ERCC6L2: variants seen among roughly 807,000 people sequenced by gnomAD.
ERCC6L2 encodes ERCC excision repair 6 like 2.
In ERCC6L2, 77 loss-of-function variants were observed where a neutral mutation model predicts 132.0. The ratio of observed to expected loss-of-function variants is 0.58; its 90% CI spans 0.49 to 0.71. ERCC6L2 has a LOEUF of 0.71. Among genes scored for constraint, ERCC6L2 ranks in the 30% least tolerant of loss-of-function variants. The pLI is 0.00. For synonymous variants in ERCC6L2, 583 were observed against 632.4 expected (o/e 0.92, Z 1.17); for missense variants, 1,542 against 1,837.6 (o/e 0.84, Z 2.94).
intron 12 of ERCC6L2, among the ~76,000 whole-genome samples, chr9:95,948,806 A>G (rs1831191185): frequency 6.6e-6 from 1 of 151,068 alleles, no homozygotes; most frequent in Non-Finnish European, 1.5e-5. Context: ...AAAAAAAAAA[A>G]AAGAAAAGAA....
chr9:95,983,490 A>G (rs910390018), intron 17 of ERCC6L2, among the ~76,000 whole-genome samples: 2 of 152,234 alleles, frequency 1.3e-5, no homozygotes, highest in African/African-American at 4.8e-5. Context: ...CTTCAAGGCA[A>G]TGATATAAAA....
At chr9:96,007,958 G>A (rs577505848) in intron 18 of ERCC6L2, among the ~76,000 whole-genome samples, 7 of 152,180 alleles carry the variant, frequency 4.6e-5, no homozygotes, top group East Asian at 1.9e-4. Context: ...AGCTGGCCCC[G>A]CAGCTCTTTG....
At chr9:96,031,093 A>G (rs569099274) in intron 19 of ERCC6L2, among the ~76,000 whole-genome samples, 22 of 152,306 alleles carry the variant, frequency 1.4e-4, no homozygotes, top group African/African-American at 4.6e-4. Context: ...CACTGCATTC[A>G]TGTCACAATT....
At chr9:95,886,065 G>T (rs1827849811) in intron 2 of ERCC6L2, among the ~76,000 whole-genome samples, 1 of 152,080 alleles carries the variant, frequency 6.6e-6, no homozygotes, top group South Asian at 2.1e-4. Context: ...ATTCAGGGTG[G>T]AGTGCAGTAG....
At chr9:96,009,544 CT>C (rs1329361501) in intron 18 of ERCC6L2, among the ~76,000 whole-genome samples, 2 of 152,188 alleles carry the variant, frequency 1.3e-5, no homozygotes, top group Non-Finnish European at 2.9e-5. Flanking sequence ...TACATAACTG[CT>C]TTTGATACAC....
intron 19 of ERCC6L2, among the ~76,000 whole-genome samples, chr9:96,035,833 T>A (rs1834512213): frequency 6.6e-6 from 1 of 151,998 alleles, no homozygotes; most frequent in South Asian, 2.1e-4. Flanking sequence ...AGGAGATGGG[T>A]TGAGGAGGTG....
chr9:95,973,123 T>A, intron 16 of ERCC6L2, 35 bp downstream of exon 16: 2 of 1,224,408 alleles, frequency 1.6e-6, no homozygotes, highest in Non-Finnish European at 2.1e-6. Context: ...CTTTAAAAAG[T>A]ATATTTGTTT....
intron 19 of ERCC6L2, among the ~76,000 whole-genome samples, chr9:96,027,464 G>T (rs1037038817): frequency 6.6e-6 from 1 of 152,210 alleles, no homozygotes; most frequent in Non-Finnish European, 1.5e-5. Flanking sequence ...CGCGGGAGAG[G>T]CTGCGTGTGC....
Position 95,907,172 on chromosome 9 carries a change from A to G in ERCC6L2, c.689A>G (p.Asn230Ser). ...TTCAGAGTCACTGTTTTACATGGAAACAGAAAAGATAATGAATTAATTCGT... is the reference window on the plus strand; with the variant it reads ...TTCAGAGTCACTGTTTTACATGGAAGCAGAAAAGATAATGAATTAATTCGT... Reference protein sequence around the residue: ...GYFRVTVLHGNRKDNELIRVK... With the variant: ...GYFRVTVLHGSRKDNELIRVK... Residue 230 changes from asparagine (N) to serine (S), a missense_variant, in exon 4 of 19, where the codon AAC becomes AGC. Physicochemically the swap from Asn to Ser is conservative, Grantham distance 46 (BLOSUM62 1). Transcript: ENST00000653738. 3 of 1,613,614 alleles carry G rather than the reference A, an allele frequency of 1.9e-6. No homozygotes were observed. In the South Asian group the frequency reaches 3.3e-5, roughly 18 times the overall value.
chr9:95,958,197 A>G (rs558864521), intron 13 of ERCC6L2, among the ~76,000 whole-genome samples: 9 of 152,226 alleles, frequency 5.9e-5, no homozygotes, highest in Admixed American at 2.0e-4. Context: ...TACAAAGGAC[A>G]TGAACTCATC....
chr9:95,894,569 C>CT (rs1300265897), intron 2 of ERCC6L2, among the ~76,000 whole-genome samples: 1 of 146,520 alleles, frequency 6.8e-6, no homozygotes, highest in Non-Finnish European at 1.5e-5. Flanking sequence ...CTTCTGTGGC[C>CT]TGGCATATGT....
rs189767951 is a variant in ERCC6L2, at chr9:95,953,347, C to T, written c.1848-2567C>T. Among the ~76,000 whole-genome samples, 808 of 152,232 alleles carry T rather than the reference C, an allele frequency of 5.3e-3. 7 individuals carry two copies. The highest frequency in any genetic ancestry group is 0.02 in the Middle Eastern group (6 of 294). ...ATCCCAGCACTTTGGGAGGCCGAGGCAGGCGGATCATGAGATCAGGAGGTC... is the reference window on the plus strand; with the variant it reads ...ATCCCAGCACTTTGGGAGGCCGAGGTAGGCGGATCATGAGATCAGGAGGTC... On this transcript the variant is annotated intron_variant, in intron 12 of 18. Transcript: ENST00000653738.
At chr9:95,949,892 C>T (rs1009333190) in intron 12 of ERCC6L2, among the ~76,000 whole-genome samples, 34 of 151,976 alleles carry the variant, frequency 2.2e-4, no homozygotes, top group African/African-American at 8.0e-4. Context: ...CCTATAATCC[C>T]AGCTACTTGG....
chr9:95,985,097 G>A (rs531532336), intron 17 of ERCC6L2, among the ~76,000 whole-genome samples: 1 of 152,278 alleles, frequency 6.6e-6, no homozygotes, highest in African/African-American at 2.4e-5. Context: ...CAAAGCCTCA[G>A]TCTTCAGGGA....
chr9:95,877,757 A>T (rs1048888642), intron 1 of ERCC6L2, among the ~76,000 whole-genome samples: 2 of 151,836 alleles, frequency 1.3e-5, no homozygotes, highest in Admixed American at 1.3e-4. Context: ...AGTGAGCTAT[A>T]ATTGTGCCAT....
chr9:95,989,756 A>G (rs543870025), intron 17 of ERCC6L2, among the ~76,000 whole-genome samples: 75 of 152,360 alleles, frequency 4.9e-4, no homozygotes, highest in Admixed American at 9.1e-4. Flanking sequence ...TTGGTTTGGT[A>G]TGTTGTATGA....
At chr9:95,927,964 A>G (rs1266335625) in intron 9 of ERCC6L2, 115 bp from the exon 10 acceptor site, 3 of 618,856 alleles carry the variant, frequency 4.8e-6, no homozygotes, top group Non-Finnish European at 8.4e-6. Flanking sequence ...GAAAAAATGA[A>G]TGAGGTTAGT....
In ERCC6L2 at chr9:95,990,125, A is replaced by G. The variant is rs77405659; in HGVS notation, c.3492+11910A>G. On this transcript the variant is annotated intron_variant, in intron 17 of 18. Transcript: ENST00000653738. ...TGAACAGACTGAGATGTTAGGCTTT[A>G]TACTCTGACAGGTGCCAAATACCTA... 5.7e-3 allele frequency among the ~76,000 whole-genome samples: 870 copies of G among 152,376 alleles called. 20 individuals are homozygous for G. The East Asian group carries it at 0.092, about 16-fold the overall frequency.
intron 17 of ERCC6L2, among the ~76,000 whole-genome samples, chr9:95,982,855 AGGAAG>A (rs1426421298): frequency 6.6e-6 from 1 of 152,136 alleles, no homozygotes; most frequent in Non-Finnish European, 1.5e-5. Context: ...TGCTACTTAA[AGGAAG>A]GAGAATCCAG....
Sources: allele counts gnomAD v4.1 joint callset (sites outside exome capture counted in the v4.1 genomes callset), GRCh38; gene constraint gnomAD v4.1.1; transcripts MANE v1.5; gene names NCBI Gene and HGNC (gene_info 2026-07-23, HGNC 2026-07-21).